The following CNTLN variants were observed in gnomAD, a reference collection of about 807,000 sequenced individuals.
CNTLN encodes the protein centlein, centrosomal protein.
CNTLN carries 212 observed loss-of-function variants against 180.0 expected under a neutral mutation model. That is an observed-to-expected ratio of 1.18 (90% CI 1.05 to 1.32). The LOEUF is 1.32. Among genes scored for constraint, CNTLN ranks in the 40% most tolerant of loss-of-function variants. The pLI, the probability that CNTLN is intolerant of heterozygous loss-of-function variation, is 0.00. For synonymous variants in CNTLN, 722 were observed against 563.1 expected, an observed-to-expected ratio of 1.28 and a Z score of -3.99; for missense variants, 2,095 against 1,610.9, an observed-to-expected ratio of 1.30 and a Z score of -5.14.
At chr9:17,237,474 T>G (rs551350071) in intron 5 of CNTLN, among the ~76,000 whole-genome samples, 1 of 139,218 alleles carries the variant, frequency 7.2e-6, no homozygotes, top group East Asian at 2.1e-4. Flanking sequence ...GATCAAGCTA[T>G]TCAGAAAAAA....
Position 17,332,743 on chromosome 9 carries a change from T to G in CNTLN, c.1644+13T>G. 6.4e-7 allele frequency: 1 copy of G among 1,573,788 alleles called. No individual in the cohort carries two copies. The highest frequency in any genetic ancestry group is 8.6e-7 in the Non-Finnish European group (1 of 1,163,972). On this transcript the variant is annotated intron_variant, in intron 10 of 25. Transcript: ENST00000380647. ...ACTACAACTAAAGGTGAACATTAAA[T>G]CATTTCTTTAGTAGTAACCTTGCAA...
chr9:17,189,716 A>C (rs1173755770), intron 2 of CNTLN, among the ~76,000 whole-genome samples: 1 of 151,018 alleles, frequency 6.6e-6, no homozygotes, highest in Non-Finnish European at 1.5e-5. Flanking sequence ...CGAACTCCTA[A>C]CCGCAAGCTG....
intron 23 of CNTLN, among the ~76,000 whole-genome samples, chr9:17,481,094 C>G (rs764982556): frequency 1.3e-5 from 2 of 152,090 alleles, no homozygotes; most frequent in African/African-American, 4.8e-5. Flanking sequence ...AGGCAGGGAG[C>G]CGCACCACAG....
At chr9:17,513,674 A>G in the CNTLN span, among the ~76,000 whole-genome samples, 1 of 152,192 alleles carries the variant, frequency 6.6e-6, no homozygotes, top group South Asian at 2.1e-4. Context: ...TCCACACTCC[A>G]GCCTGGGCAA....
intron 5 of CNTLN, among the ~76,000 whole-genome samples, chr9:17,241,331 T>C (rs1165077608): frequency 1.3e-5 from 2 of 152,212 alleles, no homozygotes; most frequent in African/African-American, 2.4e-5. Context: ...CCAAAGGTAT[T>C]TTCTTGGCAC....
chr9:17,320,516 T>G (rs930854914), intron 8 of CNTLN, among the ~76,000 whole-genome samples: 6 of 149,080 alleles, frequency 4.0e-5, no homozygotes, highest in Non-Finnish European at 4.5e-5. Context: ...TTGTTTGTTT[T>G]TTTGAGATGG....
intron 6 of CNTLN, among the ~76,000 whole-genome samples, chr9:17,294,723 G>A (rs954453345): frequency 2.9e-5 from 4 of 136,622 alleles, no homozygotes; most frequent in Non-Finnish European, 6.3e-5. Context: ...CGTGGAGCAG[G>A]GGGCAGAGCT....
intron 3 of CNTLN, among the ~76,000 whole-genome samples, chr9:17,229,192 G>C (rs1824660709): frequency 6.6e-6 from 1 of 152,106 alleles, no homozygotes; most frequent in Admixed American, 6.6e-5. Context: ...GAATTGAGAA[G>C]AGAGAGTTTC....
At chr9:17,174,506 G>A (rs148960517) in intron 2 of CNTLN, among the ~76,000 whole-genome samples, 2,886 of 152,070 alleles carry the variant, frequency 0.019, 58 homozygotes, top group African/African-American at 0.05. Flanking sequence ...AACCAGCCTG[G>A]CCAATATGGT....
At chr9:17,167,482 A>G (rs532249144) in intron 2 of CNTLN, 24 of 152,420 alleles carry the variant, frequency 1.6e-4, no homozygotes, top group African/African-American at 5.8e-4. Flanking sequence ...CATGTGTTTA[A>G]TGTCAGAAGG....
the CNTLN span, among the ~76,000 whole-genome samples, chr9:17,521,138 A>G: frequency 2.0e-5 from 3 of 152,182 alleles, no homozygotes; most frequent in Non-Finnish European, 4.4e-5. Context: ...TGAAGAAGAA[A>G]ATCCACAGGC....
chr9:17,521,255 A>G, the CNTLN span, among the ~76,000 whole-genome samples: 1 of 64,392 alleles, frequency 1.6e-5, no homozygotes, highest in Non-Finnish European at 3.5e-5. Flanking sequence ...GAGAGAGAGA[A>G]AGGGAGAAAA....
intron 13 of CNTLN, among the ~76,000 whole-genome samples, chr9:17,381,176 C>T (rs115201410): frequency 0.014 from 2,179 of 152,296 alleles, 57 homozygotes; most frequent in African/African-American, 0.05. Flanking sequence ...AGCCAAATCC[C>T]GAGCCATGTT....
chr9:17,507,687 A>C (rs10810795), downstream of CNTLN, among the ~76,000 whole-genome samples: 40,839 of 152,082 alleles, frequency 0.27, 6,180 homozygotes, highest in African/African-American at 0.41. Flanking sequence ...ATCTTTCATC[A>C]AAAAGATGAT....
intron 15 of CNTLN, among the ~76,000 whole-genome samples, chr9:17,408,800 T>TAAA (rs71331488): frequency 4.2e-5 from 6 of 143,578 alleles, no homozygotes; most frequent in Non-Finnish European, 6.1e-5. Flanking sequence ...GACTCTGTCT[T>TAAA]AAAAAAAAAA....
At chr9:17,359,883 G>A (rs1304980850) in intron 12 of CNTLN, among the ~76,000 whole-genome samples, 3 of 151,448 alleles carry the variant, frequency 2.0e-5, no homozygotes, top group Non-Finnish European at 4.4e-5. Flanking sequence ...CTGGGCAACA[G>A]AGTGAGGCTG....
Position 17,494,226 on chromosome 9 carries a change from A to G in CNTLN, c.4119+7160A>G, listed in dbSNP as rs563387426. 5.3e-5 allele frequency among the ~76,000 whole-genome samples: 8 copies of G among 152,184 alleles called. No homozygotes were observed. In the East Asian group the frequency reaches 1.2e-3, roughly 22 times the overall value. On this transcript the variant is annotated intron_variant, in intron 25 of 25. Transcript: ENST00000380647. Reference sequence around the variant, plus strand: ...AGCATATCTGTTTGCTAGATTTGCTACTAGTCTCCCCAGAAGATGCCTAAC... The same window carrying G: ...AGCATATCTGTTTGCTAGATTTGCTGCTAGTCTCCCCAGAAGATGCCTAAC...
intron 12 of CNTLN, among the ~76,000 whole-genome samples, chr9:17,363,271 G>C (rs1823548530): frequency 6.6e-6 from 1 of 152,084 alleles, no homozygotes; most frequent in Admixed American, 6.6e-5. Flanking sequence ...TAGTATTTCT[G>C]GTTCTAGATC....
intron 6 of CNTLN, among the ~76,000 whole-genome samples, chr9:17,292,113 A>G (rs143419336): frequency 2.6e-5 from 4 of 152,182 alleles, no homozygotes. Flanking sequence ...CTTTAAGAAT[A>G]TTGAATAATG....
Sources: gnomAD v4.1 joint callset for allele counts (sites outside exome capture counted in the v4.1 genomes callset) on GRCh38, gnomAD v4.1.1 for gene constraint, MANE v1.5 for transcripts, NCBI Gene and HGNC (gene_info 2026-07-23, HGNC 2026-07-21) for gene names.